Variants in AFDN observed in about 807,000 individuals in gnomAD.
AFDN encodes afadin, adherens junction formation factor.
Under a neutral mutation model 216.6 loss-of-function variants are expected in AFDN, and 68 were observed. The ratio of observed to expected loss-of-function variants is 0.31; its 90% CI spans 0.26 to 0.38. The LOEUF is 0.38. Ranked by LOEUF, AFDN falls within the 10% of genes least tolerant of loss-of-function variation. AFDN has a pLI of 1.00. For missense variants in AFDN, 2,136 were observed against 2,342.0 expected (o/e 0.91, Z 1.82); for synonymous variants, 868 against 853.7 (o/e 1.02, Z -0.29).
At chr6:167,937,766 T>C (rs1187981770) in intron 23 of AFDN, among the ~76,000 whole-genome samples, 2 of 152,244 alleles carry the variant, frequency 1.3e-5, no homozygotes, top group African/African-American at 2.4e-5. Flanking sequence ...TGAAGTGCTT[T>C]TGTATCTATC....
At chr6:167,965,131 C>T in intron 31 of AFDN, 2 of 906,324 alleles carry the variant, frequency 2.2e-6, no homozygotes, top group East Asian at 7.2e-5. Flanking sequence ...TAGATTGTTA[C>T]TTTGGGAGAA....
chr6:167,894,034 A>G, intron 9 of AFDN, 128 bp downstream of exon 9: 1 of 691,474 alleles, frequency 1.4e-6, no homozygotes, highest in Non-Finnish European at 2.5e-6. Context: ...TATTTTAAGA[A>G]ATTTAATGTA....
intron 31 of AFDN, 47 bp from the exon 32 acceptor site, chr6:167,965,709 TC>T (rs1444930697): frequency 1.4e-6 from 2 of 1,474,354 alleles, no homozygotes; most frequent in Non-Finnish European, 1.8e-6. Context: ...GGTCGGCTGT[TC>T]CCTTCTCACC....
chr6:167,944,211 A>G, intron 26 of AFDN, 152 bp downstream of exon 26: 1 of 590,362 alleles, frequency 1.7e-6, no homozygotes, highest in Non-Finnish European at 2.9e-6. Flanking sequence ...AGTGCCTGGG[A>G]TTCCCATGTG....
chr6:167,883,164 T>C (rs1786357839), intron 6 of AFDN, among the ~76,000 whole-genome samples: 2 of 152,052 alleles, frequency 1.3e-5, no homozygotes, highest in Admixed American at 1.3e-4. Context: ...AGAAGGGAAT[T>C]CCAAGGATGA....
intron 11 of AFDN, 21 bp from the exon 12 acceptor site, chr6:167,902,296 T>C (rs549509620): frequency 3.4e-5 from 54 of 1,580,820 alleles, no homozygotes; most frequent in South Asian, 3.2e-4. Context: ...AGTCAGTGTG[T>C]TTCTTGTTTT....
intron 6 of AFDN, among the ~76,000 whole-genome samples, chr6:167,881,015 T>A (rs1786037808): frequency 6.6e-6 from 1 of 152,228 alleles, no homozygotes; most frequent in South Asian, 2.1e-4. Flanking sequence ...TCTGAGATTG[T>A]GATTGGGTTT....
In AFDN at chr6:167,952,176, C is replaced by G. The variant is rs1562332261; in HGVS notation, c.4822C>G (p.Arg1608Gly). 1 of 1,614,070 alleles carries G rather than the reference C, an allele frequency of 6.2e-7. No homozygotes were observed. The highest frequency in any genetic ancestry group is 8.5e-7 in the Non-Finnish European group (1 of 1,179,992). ...GATCATGCAGCGCCTGGAGGCTGAA[C>G]GAAGAGCGAGGGTAAAGGGGGGAGT... ...MLIMQRLEAE[R>G]RARLQDEERR... The change falls in exon 30 of 34, where the codon CGA (arginine) becomes GGA (glycine). Residue 1608 changes from arginine (R) to glycine (G), a missense_variant. Coordinates refer to ENST00000683244, the MANE Select transcript of AFDN (RefSeq NM_001386888.1).
chr6:167,896,023 C>A (rs1452661283), intron 9 of AFDN, among the ~76,000 whole-genome samples: 2 of 152,066 alleles, frequency 1.3e-5, no homozygotes, highest in Non-Finnish European at 2.9e-5. Flanking sequence ...AATCAGAATA[C>A]CTCATTTTTA....
rs369089600 is a variant in AFDN, at chr6:167,875,318, A to ATTTTTT, written c.579-13_579-8dup. On this transcript the variant is annotated splice_polypyrimidine_tract_variant and intron_variant, in intron 4 of 33. Transcript: ENST00000683244. ...AAACAGTGTTTAAAATATTTTTGGT[A>ATTTTTT]TTTTTTTTTCTTACAGTGAAAATTC... 1 of 1,570,956 alleles carries ATTTTTT rather than the reference A, an allele frequency of 6.4e-7. No individual in the cohort carries two copies. The highest frequency in any genetic ancestry group is 8.7e-7 in the Non-Finnish European group (1 of 1,156,052).
Position 167,965,804 on chromosome 6 carries a change from C to G in AFDN, c.5016C>G (p.Arg1672=). Reference sequence around the variant, plus strand: ...ACAGCCGCCTGGAAGCCGAGAGGCGCAGACAGCACGACGAGGCGGCGCGCA... The same window carrying G: ...ACAGCCGCCTGGAAGCCGAGAGGCGGAGACAGCACGACGAGGCGGCGCGCA... ...GYYSRLEAER[R]RQHDEAARRL... The change falls in exon 32 of 34, where the codon CGC becomes CGG. Residue 1672 remains arginine, a synonymous_variant. Transcript: ENST00000683244. The G allele has an allele frequency of 6.4e-7, 1 of 1,569,512 alleles. No homozygotes were observed. The highest frequency in any genetic ancestry group is 8.6e-7 in the Non-Finnish European group (1 of 1,158,592).
intron 1 of AFDN, among the ~76,000 whole-genome samples, chr6:167,839,623 G>A (rs931267514): frequency 3.3e-5 from 5 of 152,112 alleles, no homozygotes; most frequent in Admixed American, 6.6e-5. Flanking sequence ...GGGGCTTGAC[G>A]TTGACTCCTA....
At chr6:167,832,660 A>G (rs1250613575) in intron 1 of AFDN, among the ~76,000 whole-genome samples, 1 of 152,258 alleles carries the variant, frequency 6.6e-6, no homozygotes, top group Non-Finnish European at 1.5e-5. Flanking sequence ...GATAATTTGA[A>G]GTTTTATACT....
chr6:167,872,194 G>A lies in AFDN; in HGVS notation c.415-20G>A, dbSNP rs1370633875. The A allele has an allele frequency of 1.2e-6, 2 of 1,600,414 alleles. No homozygotes were observed. Among genetic ancestry groups the A allele is most frequent in the Non-Finnish European group, 1.7e-6 (2 of 1,176,306 alleles). The stretch of plus-strand genomic sequence containing the variant: ...GATTCTGCATAGTAGTCAATATGGT[G>A]ATAATGTTACTTTCATCAGAAGGCT... On this transcript the variant is annotated intron_variant, in intron 3 of 33. Transcript: ENST00000683244.
At chr6:167,840,171 T>C (rs1475840104) in intron 1 of AFDN, among the ~76,000 whole-genome samples, 1 of 152,196 alleles carries the variant, frequency 6.6e-6, no homozygotes, top group Admixed American at 6.5e-5. Context: ...GTGATGTTTA[T>C]TCTGAATCCT....
At chr6:167,952,594 AC>A (rs1562333314) in intron 30 of AFDN, 2 of 696,088 alleles carry the variant, frequency 2.9e-6, no homozygotes, top group African/African-American at 1.9e-5. Context: ...GTCTCTGGCA[AC>A]CCCCAGCTCT....
rs370176215 is a variant in AFDN, at chr6:167,860,159, CTTTTTTTTTTTT to C, written c.106-4375_106-4364del. 4.6e-3 allele frequency among the ~76,000 whole-genome samples: 364 copies of C among 79,408 alleles called. 5 individuals are homozygous for C. Among genetic ancestry groups the C allele is most frequent in the African/African-American group, 0.016 (337 of 21,032 alleles). 52.1% of individuals were successfully genotyped at this position (79,408 alleles called of 152,430 possible). On this transcript the variant is annotated intron_variant, in intron 1 of 33. Coordinates refer to ENST00000683244, the MANE Select transcript of AFDN (RefSeq NM_001386888.1). ...TAGGTATTAAGTACCTACAGCAATG[CTTTTTTTTTTTT>C]TTTTTTTTTTTTTTTTAGAAACCTT...
chr6:167,885,979 G>A (rs1364045440), intron 6 of AFDN, among the ~76,000 whole-genome samples: 1 of 152,020 alleles, frequency 6.6e-6, no homozygotes, highest in Non-Finnish European at 1.5e-5. Context: ...AGGGAAAGAG[G>A]GAGGAAAAGA....
At chr6:167,969,663 T>C in intron 33 of AFDN, 119 bp from the exon 34 acceptor site, 1 of 943,632 alleles carries the variant, frequency 1.1e-6, no homozygotes, top group African/African-American at 1.7e-5. Context: ...AGAAAGGTTA[T>C]AGCACAATTT....
Sources: allele counts gnomAD v4.1 joint callset (sites outside exome capture counted in the v4.1 genomes callset), GRCh38; gene constraint gnomAD v4.1.1; transcripts MANE v1.5; gene names NCBI Gene and HGNC (gene_info 2026-07-23, HGNC 2026-07-21).